ZNF268: variants seen among roughly 807,000 people sequenced by gnomAD.
ZNF268 encodes the protein zinc finger protein 3.
A neutral mutation model predicts 29.3 loss-of-function variants in ZNF268; 20 were observed. The ratio of observed to expected loss-of-function variants is 0.68; its 90% CI spans 0.48 to 0.99. The LOEUF (loss-of-function observed/expected upper bound fraction) is 0.99. ZNF268 is among the 50% of genes least tolerant of loss of function. The pLI is 0.00. For missense variants in ZNF268, 1,240 were observed against 1,121.6 expected (o/e 1.11, Z -1.51); for synonymous variants, 429 against 376.9 (o/e 1.14, Z -1.60).
At chr12:133,192,846 A>T (rs966875062) in intron 5 of ZNF268, among the ~76,000 whole-genome samples, 14 of 152,150 alleles carry the variant, frequency 9.2e-5, no homozygotes, top group African/African-American at 3.4e-4. Context: ...TTTTTTGTAG[A>T]TACAGGGTTT....
chr12:133,203,543 A>G lies in ZNF268; in HGVS notation c.1857A>G (p.Lys619=). 1 of 1,552,604 alleles carries G rather than the reference A, an allele frequency of 6.4e-7. No individual in the cohort carries two copies. Among genetic ancestry groups the G allele is most frequent in the Non-Finnish European group, 8.7e-7 (1 of 1,152,258 alleles). ...EKPFECSECQ[K]AFNTKSNLIV... Reference sequence around the variant, plus strand: ...CATTTGAATGTAGTGAGTGTCAGAAAGCCTTTAATACAAAGTCAAACCTGA... The same window carrying G: ...CATTTGAATGTAGTGAGTGTCAGAAGGCCTTTAATACAAAGTCAAACCTGA... Residue 619 remains lysine, a synonymous_variant, in exon 6 of 6, where the codon AAA becomes AAG. Coordinates refer to ENST00000536435, the MANE Select transcript of ZNF268 (RefSeq NM_003415.3).
At chr12:133,187,791 C>A in intron 2 of ZNF268, 81 bp from the exon 3 acceptor site, 1 of 1,357,732 alleles carries the variant, frequency 7.4e-7, no homozygotes, top group Non-Finnish European at 1.0e-6. Context: ...GTTTCTCTCA[C>A]ATTTATGTGA....
Position 133,203,390 on chromosome 12 carries a change from A to G in ZNF268, c.1704A>G (p.Lys568=). The G allele has an allele frequency of 6.5e-7, 1 of 1,546,802 alleles. No individual in the cohort carries two copies. The change falls in exon 6 of 6, where the codon AAA becomes AAG. Residue 568 remains lysine, a synonymous_variant. Coordinates refer to ENST00000536435, the MANE Select transcript of ZNF268 (RefSeq NM_003415.3). ...CHECGKAFSR[K]YQLISHQRTH... is the part of the protein sequence containing the mutation. The stretch of plus-strand genomic sequence containing the variant: ...AATGTGGGAAAGCCTTCAGTCGGAA[A>G]TACCAGCTTATTTCACACCAGAGAA...
At chr12:133,183,620 C>T (rs760270411) in intron 2 of ZNF268, among the ~76,000 whole-genome samples, 1 of 152,000 alleles carries the variant, frequency 6.6e-6, no homozygotes, top group Non-Finnish European at 1.5e-5. Flanking sequence ...ACTCTGTGGG[C>T]CTGGTTGGGA....
Position 133,211,920 on chromosome 12 carries a change from T to A in ZNF268, c.*7390T>A, listed in dbSNP as rs1956988926. ...AGTTTGATCTAAACAAAACCCAGCATGTACTCACGTACAGCAGCTCTTTTC... is the reference window on the plus strand; with the variant it reads ...AGTTTGATCTAAACAAAACCCAGCAAGTACTCACGTACAGCAGCTCTTTTC... On this transcript the variant is annotated 3_prime_UTR_variant, in exon 6 of 6. Transcript: ENST00000536435. 1 of 152,218 alleles carries A rather than the reference T, an allele frequency of 6.6e-6. No homozygotes were observed. 9.4% of individuals were successfully genotyped at this position (152,218 alleles called of 1,614,324 possible). A position where few individuals can be genotyped will look rare whatever the true frequency, so the allele number is the denominator to read the frequency against.
Position 133,204,471 on chromosome 12 carries a change from T to C in ZNF268, c.2785T>C (p.Phe929Leu). The change falls in exon 6 of 6, where the codon TTT (phenylalanine) becomes CTT (leucine). Residue 929 changes from phenylalanine to leucine, a missense_variant. Transcript: ENST00000536435. ...PCKCTECGKA[F>L]CWKSQLIMHQ... ...TAAGTGCACTGAATGTGGGAAAGCC[T>C]TTTGTTGGAAGTCACAGCTCATTAT... The C allele has an allele frequency of 6.5e-7, 1 of 1,549,352 alleles. No homozygotes were observed. Among genetic ancestry groups the C allele is most frequent in the South Asian group, 1.2e-5 (1 of 84,686 alleles).
At position 133,205,567 on chromosome 12, in the gene ZNF268, T is replaced by C. The variant is rs1314442581; in HGVS notation, c.*1037T>C. The C allele has an allele frequency of 6.6e-6, 1 of 152,218 alleles. No individual in the cohort carries two copies. The highest frequency in any genetic ancestry group is 2.4e-5 in the African/African-American group (1 of 41,452). The allele number at this position is 152,218 out of a possible 1,614,324, so 9.4% of individuals were successfully genotyped here. A position where few individuals can be genotyped will look rare whatever the true frequency, so the allele number is the denominator to read the frequency against. The stretch of plus-strand genomic sequence containing the variant: ...TTTCTACTCTGCATACCAACATTGT[T>C]TCTTTGTGTCTTACCAAATGCAACT... On this transcript the variant is annotated 3_prime_UTR_variant, in exon 6 of 6. Coordinates refer to ENST00000536435, the MANE Select transcript of ZNF268 (RefSeq NM_003415.3).
At chr12:133,199,717 T>C (rs1956703968) in intron 5 of ZNF268, among the ~76,000 whole-genome samples, 1 of 152,218 alleles carries the variant, frequency 6.6e-6, no homozygotes, top group Non-Finnish European at 1.5e-5. Context: ...TTTCAGAGCC[T>C]GTTATTGGTC....
At chr12:133,193,465 A>G (rs1315154615) in intron 5 of ZNF268, 1 of 696,872 alleles carries the variant, frequency 1.4e-6, no homozygotes, top group African/African-American at 1.8e-5. Flanking sequence ...AGGTGCTGGC[A>G]GGTTTGGTGT....
intron 5 of ZNF268, among the ~76,000 whole-genome samples, chr12:133,198,552 T>G (rs937705239): frequency 2.0e-4 from 30 of 152,128 alleles, no homozygotes; most frequent in African/African-American, 7.2e-4. Flanking sequence ...TTTAAAGTAG[T>G]TTTTTTCAAT....
intron 2 of ZNF268, 98 bp downstream of exon 2, chr12:133,182,128 C>A: frequency 8.2e-7 from 1 of 1,216,434 alleles, no homozygotes; most frequent in Non-Finnish European, 1.2e-6. Context: ...GGAGCTTTCT[C>A]ACCCCACCGC....
At chr12:133,182,085 G>A in intron 2 of ZNF268, 55 bp downstream of exon 2, 1 of 1,531,020 alleles carries the variant, frequency 6.5e-7, no homozygotes, top group Admixed American at 2.0e-5. Context: ...GCCAACGTGT[G>A]CGCACTCCAT....
At position 133,210,744 on chromosome 12, in the gene ZNF268, G is replaced by C; in HGVS notation, c.*6214G>C. On this transcript the variant is annotated 3_prime_UTR_variant, in exon 6 of 6. Transcript: ENST00000536435. ...TCAGTCCTGAGGAGAAGGCAGCTCAGTCTTTACTGTGATGCAGCCTCTAGT... is the reference window on the plus strand; with the variant it reads ...TCAGTCCTGAGGAGAAGGCAGCTCACTCTTTACTGTGATGCAGCCTCTAGT... 2.3e-6 allele frequency: 1 copy of C among 442,590 alleles called. No homozygotes were observed. The highest frequency in any genetic ancestry group is 1.6e-5 in the South Asian group (1 of 63,414). The allele number at this position is 442,590 out of a possible 1,614,324, so 27.4% of individuals were successfully genotyped here. A position where few individuals can be genotyped will look rare whatever the true frequency, so the allele number is the denominator to read the frequency against.
At chr12:133,199,376 G>A (rs1956694556) in intron 5 of ZNF268, among the ~76,000 whole-genome samples, 3 of 151,428 alleles carry the variant, frequency 2.0e-5, no homozygotes, top group African/African-American at 7.3e-5. Flanking sequence ...TTGCATCCCA[G>A]GGATGAAGCC....
At chr12:133,182,136 C>T in intron 2 of ZNF268, 106 bp downstream of exon 2, 1 of 1,154,576 alleles carries the variant, frequency 8.7e-7, no homozygotes. Context: ...CTCACCCCAC[C>T]GCTCTTTTAG....
At chr12:133,198,027 T>A (rs1956654515) in intron 5 of ZNF268, among the ~76,000 whole-genome samples, 1 of 152,026 alleles carries the variant, frequency 6.6e-6, no homozygotes, top group African/African-American at 2.4e-5. Context: ...GTGCAGAAGC[T>A]CTTTAGTTTA....
At chr12:133,192,800 C>T (rs1176760112) in intron 5 of ZNF268, among the ~76,000 whole-genome samples, 1 of 152,098 alleles carries the variant, frequency 6.6e-6, no homozygotes, top group Non-Finnish European at 1.5e-5. Context: ...GCTGGGACTA[C>T]AGGCACCTGC....
rs1956963113 is a variant in ZNF268, at chr12:133,210,588, T to C, written c.*6058T>C. Reference sequence around the variant, plus strand: ...AAGCTCTGGTTCTCAGTGTGATGCATCCCCCAGGTTGGTCCTGAGATGAGG... The same window carrying C: ...AAGCTCTGGTTCTCAGTGTGATGCACCCCCCAGGTTGGTCCTGAGATGAGG... On this transcript the variant is annotated 3_prime_UTR_variant, in exon 6 of 6. Transcript: ENST00000536435. The C allele has an allele frequency of 9.7e-6, 3 of 309,706 alleles. No individual in the cohort carries two copies. The Admixed American group carries it at 1.2e-4, about 13-fold the overall frequency. The allele number at this position is 309,706 out of a possible 1,614,324, so 19.2% of individuals were successfully genotyped here. A position where few individuals can be genotyped will look rare whatever the true frequency, so the allele number is the denominator to read the frequency against.
chr12:133,193,332 A>G (rs1956518645), intron 5 of ZNF268: 1 of 513,372 alleles, frequency 1.9e-6, no homozygotes, highest in Non-Finnish European at 3.5e-6. Flanking sequence ...TCTCATCTCA[A>G]AAAAAGAAGA....
Sources: gnomAD v4.1 joint callset for allele counts (sites outside exome capture counted in the v4.1 genomes callset) on GRCh38, gnomAD v4.1.1 for gene constraint, MANE v1.5 for transcripts, NCBI Gene and HGNC (gene_info 2026-07-23, HGNC 2026-07-21) for gene names.